The following TENM4 variants were observed in gnomAD, a reference collection of about 807,000 sequenced individuals.
TENM4 encodes teneurin-4.
TENM4 carries 82 observed loss-of-function variants against 243.3 expected under a neutral mutation model. The observed-to-expected ratio is 0.34, with a 90% CI of 0.28 to 0.40. The LOEUF is 0.40. TENM4 is among the 10% of genes least tolerant of loss of function. The probability of loss-of-function intolerance (pLI) is 1.00; values close to 1 mark genes in which losing one functional copy is unlikely to be tolerated. For missense variants in TENM4, 3,138 were observed against 3,673.3 expected (o/e 0.85, Z 3.77); for synonymous variants, 1,412 against 1,456.3 (o/e 0.97, Z 0.69).
At chr11:79,323,962 C>T (rs185594747) in intron 1 of TENM4, among the ~76,000 whole-genome samples, 1 of 152,156 alleles carries the variant, frequency 6.6e-6, no homozygotes, top group Non-Finnish European at 1.5e-5. Context: ...TATACACAGC[C>T]ATTGTCCTTC....
rs990326729 is a variant in TENM4 at position 79,441,013 on chromosome 11, C to T, written c.-825G>A. The T allele has an allele frequency of 1.3e-5, 2 of 153,354 alleles. No individual in the cohort carries two copies. The highest frequency in any genetic ancestry group is 2.4e-5 in the African/African-American group (1 of 41,378). 9.5% of individuals were successfully genotyped at this position (153,354 alleles called of 1,614,324 possible). On this transcript the variant is annotated 5_prime_UTR_variant, in exon 1 of 34. It adds an upstream start codon to the 5' untranslated region. Coordinates refer to ENST00000278550, the MANE Select transcript of TENM4 (RefSeq NM_001098816.3). ...AGACACACACACACACGCACACGCACACGCAGGTTACATGAATGGGAGGCG... is the reference window on the plus strand; with the variant it reads ...AGACACACACACACACGCACACGCATACGCAGGTTACATGAATGGGAGGCG...
chr11:78,829,183 G>C (rs915022857), intron 12 of TENM4, among the ~76,000 whole-genome samples: 20 of 152,312 alleles, frequency 1.3e-4, no homozygotes, highest in African/African-American at 4.8e-4. Context: ...CCCACGTGTG[G>C]CCAGCAGGGC....
At chr11:79,407,311 G>T (rs1157077693) in intron 1 of TENM4, among the ~76,000 whole-genome samples, 2 of 152,124 alleles carry the variant, frequency 1.3e-5, no homozygotes, top group African/African-American at 4.8e-5. Context: ...TCTTAATGAG[G>T]GATATAATTT....
chr11:78,845,446 G>A lies in TENM4; in HGVS notation c.1681+8658C>T, dbSNP rs543415182. The stretch of plus-strand genomic sequence containing the variant: ...CCCGCATCTAAACCCAGGCTGGGCT[G>A]ACTCCAAAGCCTTTGTCCTTTCCTC... On this transcript the variant is annotated intron_variant, in intron 12 of 33. Coordinates refer to ENST00000278550, the MANE Select transcript of TENM4 (RefSeq NM_001098816.3). Among the ~76,000 whole-genome samples the A allele has an allele frequency of 1.2e-4, 19 of 152,310 alleles. No homozygotes were observed. In the South Asian group the frequency reaches 3.9e-3, roughly 32 times the overall value.
At chr11:79,374,010 C>A (rs1857839717) in intron 1 of TENM4, among the ~76,000 whole-genome samples, 1 of 152,186 alleles carries the variant, frequency 6.6e-6, no homozygotes, top group African/African-American at 2.4e-5. Flanking sequence ...GGGGGGCATG[C>A]AGGCAAGCCT....
intron 1 of TENM4, among the ~76,000 whole-genome samples, chr11:79,324,037 C>T (rs967688132): frequency 1.3e-5 from 2 of 152,136 alleles, no homozygotes; most frequent in African/African-American, 4.8e-5. Context: ...ATGCTCAAGT[C>T]CGTTATATAA....
intron 9 of TENM4, among the ~76,000 whole-genome samples, chr11:78,864,297 A>G (rs914925454): frequency 6.6e-6 from 1 of 151,220 alleles, no homozygotes; most frequent in Non-Finnish European, 1.5e-5. Context: ...AGCCGGGCGT[A>G]GTGGCGGGCG....
At chr11:79,221,674 G>A (rs1254821607) in intron 2 of TENM4, among the ~76,000 whole-genome samples, 6 of 151,998 alleles carry the variant, frequency 3.9e-5, no homozygotes, top group East Asian at 1.9e-4. Context: ...AGAGCAGCTC[G>A]TGAGCCACAC....
At chr11:78,978,635 C>G (rs569997044) in intron 6 of TENM4, among the ~76,000 whole-genome samples, 73 of 151,924 alleles carry the variant, frequency 4.8e-4, no homozygotes, top group African/African-American at 1.8e-3. Context: ...CAGGACGGAA[C>G]GAGAAATCAA....
chr11:79,392,525 A>T (rs530957777), intron 1 of TENM4, among the ~76,000 whole-genome samples: 1 of 152,350 alleles, frequency 6.6e-6, no homozygotes, highest in South Asian at 2.1e-4. Context: ...GTGCTCCTGG[A>T]TCACAAGGAT....
chr11:79,258,012 G>A (rs946810908), intron 2 of TENM4, among the ~76,000 whole-genome samples: 2 of 152,202 alleles, frequency 1.3e-5, no homozygotes, highest in East Asian at 3.9e-4. Context: ...CCTGCGAGGT[G>A]AGGGGTTCAC....
intron 18 of TENM4, among the ~76,000 whole-genome samples, chr11:78,768,252 G>C (rs535586059): frequency 6.6e-6 from 1 of 152,196 alleles, no homozygotes. Flanking sequence ...GAGGTGAGAC[G>C]TTTCCTCATT....
At chr11:79,339,082 A>T (rs1447820894) in intron 1 of TENM4, among the ~76,000 whole-genome samples, 1 of 152,236 alleles carries the variant, frequency 6.6e-6, no homozygotes, top group African/African-American at 2.4e-5. Context: ...AGGAAGATCC[A>T]GCAGAAAGTG....
chr11:78,813,244 C>G (rs1857536222), intron 13 of TENM4, among the ~76,000 whole-genome samples: 1 of 152,116 alleles, frequency 6.6e-6, no homozygotes, highest in South Asian at 2.1e-4. Flanking sequence ...GTTCACGCAG[C>G]CTGGAAAATC....
chr11:78,844,966 C>A (rs1858356504), intron 12 of TENM4, among the ~76,000 whole-genome samples: 1 of 152,136 alleles, frequency 6.6e-6, no homozygotes. Flanking sequence ...TCTGCTCTGG[C>A]CCCAAGTTGT....
intron 18 of TENM4, among the ~76,000 whole-genome samples, chr11:78,761,536 G>A (rs1196187415): frequency 3.3e-5 from 5 of 152,054 alleles, no homozygotes; most frequent in Admixed American, 2.6e-4. Flanking sequence ...ACTGTGCCTG[G>A]CCCAGGGTGG....
In TENM4 at chr11:79,218,775, A is replaced by G. The variant is rs1177743850; in HGVS notation, c.-264-2866T>C. ...TACCTCCAGTAGACAAAACAAAGAC[A>G]GTTAATGAAACTAAAATGCTCATTT... On this transcript the variant is annotated intron_variant, in intron 2 of 33. Transcript: ENST00000278550. Among the ~76,000 whole-genome samples, 3 of 152,252 alleles carry G rather than the reference A, an allele frequency of 2.0e-5. No homozygotes were observed. In the East Asian group the frequency reaches 5.8e-4, roughly 29 times the overall value.
At chr11:79,113,704 G>A (rs998398851) in intron 4 of TENM4, among the ~76,000 whole-genome samples, 1 of 152,148 alleles carries the variant, frequency 6.6e-6, no homozygotes, top group Non-Finnish European at 1.5e-5. Context: ...GGTGTGTGTG[G>A]TGGACATTGG....
chr11:78,984,116 C>T (rs569674712), intron 6 of TENM4, among the ~76,000 whole-genome samples: 2 of 152,274 alleles, frequency 1.3e-5, no homozygotes, highest in East Asian at 3.9e-4. Flanking sequence ...AGGCTAGAGA[C>T]TCAGGAAGGT....
Sources: gnomAD v4.1 joint callset for allele counts (sites outside exome capture counted in the v4.1 genomes callset) on GRCh38, gnomAD v4.1.1 for gene constraint, MANE v1.5 for transcripts, NCBI Gene and HGNC (gene_info 2026-07-23, HGNC 2026-07-21) for gene names.